Variants in LZTS1 observed in about 807,000 individuals in gnomAD.
LZTS1 encodes the protein leucine zipper tumor suppressor 1, also known as leucine zipper putative tumor suppressor 1.
A neutral mutation model predicts 45.8 loss-of-function variants in LZTS1; 31 were observed. The ratio of observed to expected loss-of-function variants is 0.68; its 90% CI spans 0.51 to 0.91. The LOEUF is 0.91. LZTS1 is among the 40% of genes least tolerant of loss of function. The pLI, the probability that LZTS1 is intolerant of heterozygous loss-of-function variation, is 0.00. For synonymous variants in LZTS1, 359 were observed against 357.3 expected (o/e 1.00, Z -0.05); for missense variants, 821 against 788.9 (o/e 1.04, Z -0.49).
chr8:20,265,317 A>G (rs978290177), intron 1 of LZTS1, among the ~76,000 whole-genome samples: 2 of 152,146 alleles, frequency 1.3e-5, no homozygotes, highest in African/African-American at 4.8e-5. Context: ...GGGTAGCGGC[A>G]TGGCAGGCAT....
intron 1 of LZTS1, among the ~76,000 whole-genome samples, chr8:20,262,479 C>T (rs184921930): frequency 1.3e-5 from 2 of 152,104 alleles, no homozygotes; most frequent in Non-Finnish European, 2.9e-5. Flanking sequence ...TGTGTGTATA[C>T]GTGTGCATGT....
At chr8:20,284,516 G>C (rs1800752716) in intron 1 of LZTS1, among the ~76,000 whole-genome samples, 1 of 152,148 alleles carries the variant, frequency 6.6e-6, no homozygotes, top group Non-Finnish European at 1.5e-5. Context: ...AGAAGGTAAA[G>C]GCATGCACAT....
chr8:20,261,361 A>T (rs1314303772), intron 1 of LZTS1, among the ~76,000 whole-genome samples: 3 of 152,144 alleles, frequency 2.0e-5, no homozygotes, highest in Non-Finnish European at 2.9e-5. Context: ...CCTTCTCAGA[A>T]TCTGGCCCCA....
chr8:20,281,652 T>C (rs1800696189), intron 1 of LZTS1, among the ~76,000 whole-genome samples: 2 of 152,158 alleles, frequency 1.3e-5, no homozygotes, highest in African/African-American at 4.8e-5. Context: ...GAGCTGGTCA[T>C]TGAAAAGAGG....
intron 1 of LZTS1, among the ~76,000 whole-genome samples, chr8:20,291,617 A>G (rs1294394561): frequency 6.7e-6 from 1 of 149,146 alleles, no homozygotes; most frequent in African/African-American, 2.5e-5. Context: ...CCATTGTTCC[A>G]TCTGCGATTG....
At chr8:20,295,531 G>A (rs1299545043) in intron 1 of LZTS1, among the ~76,000 whole-genome samples, 2 of 152,150 alleles carry the variant, frequency 1.3e-5, no homozygotes, top group African/African-American at 2.4e-5. Flanking sequence ...ATTTGGGACC[G>A]AGCCCTAGAC....
At position 20,253,631 on chromosome 8, in the gene LZTS1, G is replaced by C. The variant is rs201207538; in HGVS notation, c.346-46C>G. 20 of 1,385,648 alleles carry C rather than the reference G, an allele frequency of 1.4e-5. No individual in the cohort carries two copies. In the African/African-American group the frequency reaches 2.6e-4, roughly 18 times the overall value. 85.8% of individuals were successfully genotyped at this position (1,385,648 alleles called of 1,614,324 possible). A position where few individuals can be genotyped will look rare whatever the true frequency, so the allele number is the denominator to read the frequency against. ...GGTGACTCATGCCTCCCCTGCGCGC[G>C]CATTGCACCCTCCCTCCCCAGGCAC... On this transcript the variant is annotated intron_variant, in intron 2 of 3. Coordinates refer to ENST00000381569, the MANE Select transcript of LZTS1 (RefSeq NM_021020.5).
intron 1 of LZTS1, among the ~76,000 whole-genome samples, chr8:20,257,008 C>G (rs4922142): frequency 0.82 from 124,965 of 152,044 alleles, 51,498 homozygotes; most frequent in East Asian, 0.93. Context: ...AGGGTGATGT[C>G]GATATAGAAG....
intron 1 of LZTS1, among the ~76,000 whole-genome samples, chr8:20,296,701 GTGTA>G (rs1162986037): frequency 1.4e-4 from 21 of 152,188 alleles, no homozygotes; most frequent in African/African-American, 4.6e-4. Context: ...GTGTGTGCGT[GTGTA>G]TGTGTGTATG....
At chr8:20,294,292 G>A (rs1476130614) in intron 1 of LZTS1, among the ~76,000 whole-genome samples, 1 of 152,208 alleles carries the variant, frequency 6.6e-6, no homozygotes, top group Non-Finnish European at 1.5e-5. Flanking sequence ...CAAATGCCTG[G>A]TGCTTCTAGT....
chr8:20,292,108 T>C (rs534609387), intron 1 of LZTS1, among the ~76,000 whole-genome samples: 83 of 152,238 alleles, frequency 5.5e-4, no homozygotes, highest in African/African-American at 1.9e-3. Flanking sequence ...GCTTGCCAGG[T>C]TTTTAGAAGG....
intron 1 of LZTS1, among the ~76,000 whole-genome samples, chr8:20,278,351 A>T (rs1003516677): frequency 6.6e-6 from 1 of 152,218 alleles, no homozygotes; most frequent in East Asian, 1.9e-4. Context: ...CGGTGCAGGT[A>T]CAGCATTTGC....
chr8:20,252,863 C>A lies in LZTS1; in HGVS notation c.1068G>T (p.Gln356His). The A allele has an allele frequency of 1.2e-6, 2 of 1,609,852 alleles. No homozygotes were observed. The highest frequency in any genetic ancestry group is 1.7e-6 in the Non-Finnish European group (2 of 1,177,992). Residue 356 changes from glutamine to histidine, a missense_variant, in exon 3 of 4, where the codon CAG (glutamine) becomes CAT (histidine). Gln to His is a conservative substitution (Grantham distance 24, BLOSUM62 0). Coordinates refer to ENST00000381569, the MANE Select transcript of LZTS1 (RefSeq NM_021020.5). ...RQELESLMKE[Q>H]DLLETKLRSY... ...ACCTGAGCTTGGTCTCCAGCAGGTC[C>A]TGCTCCTTCATGAGGCTCTCGAGCT...
At chr8:20,271,725 C>A (rs572048615) in intron 1 of LZTS1, among the ~76,000 whole-genome samples, 1 of 152,262 alleles carries the variant, frequency 6.6e-6, no homozygotes. Flanking sequence ...CTCCCTCCCC[C>A]TTGCCTTCCT....
At chr8:20,264,574 C>T (rs1429605203) in intron 1 of LZTS1, among the ~76,000 whole-genome samples, 2 of 152,162 alleles carry the variant, frequency 1.3e-5, no homozygotes, top group Non-Finnish European at 2.9e-5. Flanking sequence ...AAGAGGGGCA[C>T]TGGCAGAAAT....
intron 1 of LZTS1, among the ~76,000 whole-genome samples, chr8:20,263,620 G>A (rs1050326235): frequency 2.0e-5 from 3 of 152,150 alleles, no homozygotes; most frequent in Non-Finnish European, 2.9e-5. Context: ...TGAAACTAAA[G>A]CAAATGCCTT....
In LZTS1 at chr8:20,249,553, C is replaced by T; in HGVS notation, c.*169G>A. 1 of 776,840 alleles carries T rather than the reference C, an allele frequency of 1.3e-6. No individual in the cohort carries two copies. Among genetic ancestry groups the T allele is most frequent in the Non-Finnish European group, 2.0e-6 (1 of 499,068 alleles). 48.1% of individuals were successfully genotyped at this position (776,840 alleles called of 1,614,324 possible). On this transcript the variant is annotated 3_prime_UTR_variant, in exon 4 of 4. Coordinates refer to ENST00000381569, the MANE Select transcript of LZTS1 (RefSeq NM_021020.5). ...GCTGCAGGGCTGGTGAGCACTGGGA[C>T]ATCAGAGAGGGAAGGAAAGGCCATC... is the stretch of plus-strand genomic sequence containing the variant.
chr8:20,297,427 G>A (rs957059447), intron 1 of LZTS1, among the ~76,000 whole-genome samples: 3 of 151,432 alleles, frequency 2.0e-5, no homozygotes, highest in Non-Finnish European at 4.4e-5. Flanking sequence ...TTGTTTGTTT[G>A]TTTTTGAGAC....
intron 1 of LZTS1, among the ~76,000 whole-genome samples, chr8:20,302,378 A>G (rs1486602607): frequency 3.3e-5 from 5 of 152,142 alleles, no homozygotes; most frequent in Non-Finnish European, 4.4e-5. Context: ...TGTACATGCT[A>G]TCTCTAATAC....
Sources: gnomAD v4.1 joint callset for allele counts (sites outside exome capture counted in the v4.1 genomes callset) on GRCh38, gnomAD v4.1.1 for gene constraint, MANE v1.5 for transcripts, NCBI Gene and HGNC (gene_info 2026-07-23, HGNC 2026-07-21) for gene names.